SLC17A1: variants seen among roughly 807,000 people sequenced by gnomAD.
SLC17A1 encodes solute carrier family 17 member 1.
Under a neutral mutation model 53.5 loss-of-function variants are expected in SLC17A1, and 51 were observed. That is an observed-to-expected ratio of 0.95 (90% CI 0.76 to 1.20). The LOEUF is 1.20. Ranked by LOEUF, SLC17A1 falls within the 50% of genes most tolerant of loss-of-function variation. The pLI is 0.00. For synonymous variants in SLC17A1, 179 were observed against 198.8 expected, an observed-to-expected ratio of 0.90 and a Z score of 0.84; for missense variants, 538 against 568.2, an observed-to-expected ratio of 0.95 and a Z score of 0.54.
chr6:25,809,632 G>A (rs1170032345), intron 10 of SLC17A1, among the ~76,000 whole-genome samples: 5 of 152,114 alleles, frequency 3.3e-5, no homozygotes, highest in East Asian at 1.9e-4. Flanking sequence ...ACAAACAAAT[G>A]TAAAGATATC....
At chr6:25,785,081 A>T (rs927025191) in intron 12 of SLC17A1, among the ~76,000 whole-genome samples, 1 of 152,212 alleles carries the variant, frequency 6.6e-6, no homozygotes, top group Non-Finnish European at 1.5e-5. Context: ...CAATATACAA[A>T]AGTCAATTAT....
the SLC17A1 span, chr6:25,731,756 G>T: frequency 6.8e-7 from 1 of 1,472,864 alleles, no homozygotes; most frequent in Non-Finnish European, 9.3e-7. Context: ...TTGGTTTGTG[G>T]AGCTCATCTG....
intron 12 of SLC17A1, among the ~76,000 whole-genome samples, chr6:25,792,611 C>T (rs1763526157): frequency 6.6e-6 from 1 of 152,128 alleles, no homozygotes; most frequent in African/African-American, 2.4e-5. Context: ...AAAACCAGAG[C>T]CTTCCTTTTG....
At chr6:25,758,725 T>C in the SLC17A1 span, among the ~76,000 whole-genome samples, 2 of 113,848 alleles carry the variant, frequency 1.8e-5, no homozygotes, top group African/African-American at 2.9e-5. Flanking sequence ...ATTTTATTTA[T>C]CTTTTCAAAG....
the SLC17A1 span, among the ~76,000 whole-genome samples, chr6:25,771,169 C>T: frequency 4.6e-5 from 7 of 151,964 alleles, no homozygotes; most frequent in South Asian, 2.1e-4. Context: ...TTCAGCAGCC[C>T]GAGTGTGTAG....
At chr6:25,770,201 C>T in the SLC17A1 span, 65 of 1,613,970 alleles carry the variant, frequency 4.0e-5, no homozygotes, top group Non-Finnish European at 5.4e-5. Context: ...TTGGTGCTGG[C>T]TTGTTTATTT....
chr6:25,798,847 G>C lies in SLC17A1; in HGVS notation c.1342C>G (p.Leu448Val). The C allele has an allele frequency of 6.2e-7, 1 of 1,610,600 alleles. No homozygotes were observed. The highest frequency in any genetic ancestry group is 1.1e-5 in the South Asian group (1 of 90,392). The change falls in exon 12 of 13, where the codon CTT becomes GTT. Residue 448 changes from leucine to valine, a missense_variant. Transcript: ENST00000244527. ...TGAATTTCTGCTGTAGCAACTATAAGGTAGAAAATTAGGCCAGTCACATTA... is the reference window on the plus strand; with the variant it reads ...TGAATTTCTGCTGTAGCAACTATAACGTAGAAAATTAGGCCAGTCACATTA... ...AINVTGLIFY[L>V]IVATAEIQDW...
chr6:25,724,395 C>G, the SLC17A1 span, among the ~76,000 whole-genome samples: 1 of 152,194 alleles, frequency 6.6e-6, no homozygotes, highest in Non-Finnish European at 1.5e-5. Flanking sequence ...TGCACTCCAG[C>G]CTGGGTGACA....
At chr6:25,726,956 T>G in the SLC17A1 span, 1 of 1,614,072 alleles carries the variant, frequency 6.2e-7, no homozygotes, top group Non-Finnish European at 8.5e-7. Context: ...AGAAGGGCTT[T>G]AAGAAAGCTG....
At chr6:25,731,990 C>T in the SLC17A1 span, 33 of 1,584,092 alleles carry the variant, frequency 2.1e-5, no homozygotes, top group Non-Finnish European at 2.8e-5. Context: ...TACTCATGGC[C>T]TTGGAAGAGA....
At chr6:25,784,579 A>G (rs1173894221) in intron 12 of SLC17A1, among the ~76,000 whole-genome samples, 1 of 152,172 alleles carries the variant, frequency 6.6e-6, no homozygotes, top group Non-Finnish European at 1.5e-5. Context: ...CCAAGCTGTC[A>G]TGAGGGATCT....
the SLC17A1 span, chr6:25,726,728 C>A: frequency 1.9e-6 from 2 of 1,053,632 alleles, no homozygotes; most frequent in Non-Finnish European, 2.7e-6. Flanking sequence ...CCGAACGCGG[C>A]GTTTGAGGGC....
At chr6:25,730,038 G>A in the SLC17A1 span, among the ~76,000 whole-genome samples, 1 of 152,104 alleles carries the variant, frequency 6.6e-6, no homozygotes, top group African/African-American at 2.4e-5. Context: ...AGTAATATTT[G>A]TGCTTCAAAT....
At chr6:25,726,815 G>C in the SLC17A1 span, 1 of 1,411,694 alleles carries the variant, frequency 7.1e-7, no homozygotes, top group Admixed American at 2.3e-5. Flanking sequence ...GAGGTCATTT[G>C]GAGCTGTTTA....
the SLC17A1 span, among the ~76,000 whole-genome samples, chr6:25,747,385 C>A: frequency 2.0e-5 from 3 of 152,166 alleles, no homozygotes; most frequent in Non-Finnish European, 2.9e-5. Context: ...GGACTAGAAA[C>A]AATGAAAGGA....
the SLC17A1 span, among the ~76,000 whole-genome samples, chr6:25,751,101 T>A: frequency 6.6e-6 from 1 of 152,204 alleles, no homozygotes; most frequent in Non-Finnish European, 1.5e-5. Context: ...ATCTTTTCTG[T>A]GTCCTAGCAT....
At chr6:25,732,767 C>A in the SLC17A1 span, 1 of 991,536 alleles carries the variant, frequency 1.0e-6, no homozygotes, top group Non-Finnish European at 1.5e-6. Context: ...GCCCAACATC[C>A]AAGCTGTGCT....
chr6:25,825,942 T>C (rs1284947882), intron 3 of SLC17A1, among the ~76,000 whole-genome samples: 3 of 152,010 alleles, frequency 2.0e-5, no homozygotes, highest in African/African-American at 7.2e-5. Flanking sequence ...CTCAAAAGCA[T>C]TCTTTGTTAT....
Position 25,811,465 on chromosome 6 carries a change from G to C in SLC17A1, c.1111C>G (p.Leu371Val), listed in dbSNP as rs777740570. 2 of 1,613,874 alleles carry C rather than the reference G, an allele frequency of 1.2e-6. No individual in the cohort carries two copies. Among genetic ancestry groups the C allele is most frequent in the African/African-American group, 2.7e-5 (2 of 74,904 alleles). ...TFYSIVIFLI[L>V]AGATGSFCLG... is the part of the protein sequence containing the mutation. Reference sequence around the variant, plus strand: ...CAAAAGCTGCCTGTTGCACCAGCAAGTATTAGGAAAATGACAATGCTGTAG... The same window carrying C: ...CAAAAGCTGCCTGTTGCACCAGCAACTATTAGGAAAATGACAATGCTGTAG... Residue 371 changes from leucine to valine, a missense_variant, in exon 10 of 13, where the codon CTT (leucine) becomes GTT (valine). Transcript: ENST00000244527.
Sources: gnomAD v4.1 joint callset for allele counts (sites outside exome capture counted in the v4.1 genomes callset) on GRCh38, gnomAD v4.1.1 for gene constraint, MANE v1.5 for transcripts, NCBI Gene and HGNC (gene_info 2026-07-23, HGNC 2026-07-21) for gene names.